The following GOLPH3 variants were observed in gnomAD, a reference collection of about 807,000 sequenced individuals.
GOLPH3 encodes the protein coat protein GPP34.
GOLPH3 carries 14 observed loss-of-function variants against 28.5 expected under a neutral mutation model. The ratio of observed to expected loss-of-function variants is 0.49; its 90% CI spans 0.32 to 0.77. The LOEUF is 0.77. Ranked by LOEUF, GOLPH3 falls within the 30% of genes least tolerant of loss-of-function variation. The pLI, the probability that GOLPH3 is intolerant of heterozygous loss-of-function variation, is 0.03. For synonymous variants in GOLPH3, 158 were observed against 159.2 expected (o/e 0.99, Z 0.06); for missense variants, 350 against 393.7 (o/e 0.89, Z 0.94).
chr5:32,152,183 G>A (rs1214641703), intron 1 of GOLPH3, among the ~76,000 whole-genome samples: 1 of 151,408 alleles, frequency 6.6e-6, no homozygotes, highest in Non-Finnish European at 1.5e-5. Context: ...CTGGAGTGCA[G>A]TGGCACAATC....
Position 32,173,960 on chromosome 5 carries a change from C to T in GOLPH3, c.75G>A (p.Lys25=), listed in dbSNP as rs1446681545. 7.0e-7 allele frequency: 1 copy of T among 1,432,972 alleles called. No homozygotes were observed. The highest frequency in any genetic ancestry group is 1.5e-5 in the African/African-American group (1 of 67,474). The allele number at this position is 1,432,972 out of a possible 1,614,324, so 88.8% of individuals were successfully genotyped here. The change falls in exon 1 of 4, where the codon AAG becomes AAA. Residue 25 remains lysine, a synonymous_variant. Transcript: ENST00000265070. ...RTEASRNAAD[K]ERAAGGGAGS... ...CGGCGCCGCCGCCCGCCGCCCGCTC[C>T]TTGTCGGCGGCGTTGCGGGAGGCCT...
chr5:32,163,067 G>A (rs186700194), intron 1 of GOLPH3, among the ~76,000 whole-genome samples: 48 of 152,326 alleles, frequency 3.2e-4, no homozygotes, highest in African/African-American at 1.1e-3. Flanking sequence ...GACAGAGCGA[G>A]ACTCCGTCTC....
chr5:32,161,131 G>C (rs993610772), intron 1 of GOLPH3, among the ~76,000 whole-genome samples: 1 of 149,272 alleles, frequency 6.7e-6, no homozygotes, highest in Admixed American at 6.7e-5. Flanking sequence ...GGCTGGGCCC[G>C]GTGGTTCACA....
intron 2 of GOLPH3, among the ~76,000 whole-genome samples, chr5:32,141,606 G>GTC (rs1746061606): frequency 6.7e-6 from 1 of 150,274 alleles, no homozygotes; most frequent in Non-Finnish European, 1.5e-5. Flanking sequence ...TCTCCCCACG[G>GTC]TCTCCCTCCT....
chr5:32,172,460 G>C (rs1279944253), intron 1 of GOLPH3, among the ~76,000 whole-genome samples: 1 of 151,818 alleles, frequency 6.6e-6, no homozygotes, highest in Non-Finnish European at 1.5e-5. Context: ...ACTTTGGGAG[G>C]CCGAGGCAGG....
intron 1 of GOLPH3, among the ~76,000 whole-genome samples, chr5:32,163,021 T>C (rs1182222752): frequency 1.3e-5 from 2 of 152,138 alleles, no homozygotes; most frequent in African/African-American, 2.4e-5. Flanking sequence ...GAGCTTGCAG[T>C]GAGCCAAGAT....
At chr5:32,140,799 C>T (rs1372826009) in intron 2 of GOLPH3, among the ~76,000 whole-genome samples, 2 of 144,106 alleles carry the variant, frequency 1.4e-5, no homozygotes, top group African/African-American at 5.2e-5. Flanking sequence ...GAGACTCTGT[C>T]TCCAAAAAAA....
At position 32,171,933 on chromosome 5, in the gene GOLPH3, A is replaced by T. The variant is rs529179038; in HGVS notation, c.225+1877T>A. On this transcript the variant is annotated intron_variant, in intron 1 of 3. Coordinates refer to ENST00000265070, the MANE Select transcript of GOLPH3 (RefSeq NM_022130.4). ...ACTGCACTCCAGGCCTGGGCGACAG[A>T]GCGAGATTCCGTCTAAAAAAAGAAA... Among the ~76,000 whole-genome samples, 4 of 151,960 alleles carry T rather than the reference A, an allele frequency of 2.6e-5. No homozygotes were observed. The East Asian group carries it at 7.8e-4, about 29-fold the overall frequency.
chr5:32,130,387 GATTA>G (rs983035531), intron 3 of GOLPH3, among the ~76,000 whole-genome samples: 26 of 152,102 alleles, frequency 1.7e-4, no homozygotes, highest in African/African-American at 1.9e-4. Flanking sequence ...TCAATCCTAA[GATTA>G]ATTAATTATG....
chr5:32,148,573 A>G (rs997333948), intron 1 of GOLPH3, among the ~76,000 whole-genome samples: 6 of 152,296 alleles, frequency 3.9e-5, no homozygotes, highest in Admixed American at 6.5e-5. Flanking sequence ...CAAGGTGGGC[A>G]GATCACGATG....
chr5:32,130,274 T>C (rs921766666), intron 3 of GOLPH3, among the ~76,000 whole-genome samples: 3 of 152,232 alleles, frequency 2.0e-5, no homozygotes, highest in South Asian at 2.1e-4. Flanking sequence ...TAGGCTGGAA[T>C]TGGGTAACTA....
At chr5:32,169,369 G>C (rs1581560048) in intron 1 of GOLPH3, among the ~76,000 whole-genome samples, 2 of 152,228 alleles carry the variant, frequency 1.3e-5, no homozygotes, top group South Asian at 4.1e-4. Flanking sequence ...ATCCACAGCA[G>C]TACAATCAGA....
At chr5:32,153,526 ATTC>A (rs1399656290) in intron 1 of GOLPH3, among the ~76,000 whole-genome samples, 1 of 152,164 alleles carries the variant, frequency 6.6e-6, no homozygotes, top group African/African-American at 2.4e-5. Context: ...TTGACTGCAC[ATTC>A]TTAATAAAAA....
chr5:32,163,425 C>T (rs1746637485), intron 1 of GOLPH3, among the ~76,000 whole-genome samples: 2 of 152,160 alleles, frequency 1.3e-5, no homozygotes. Context: ...CATCTGTGAT[C>T]CCAGCACTTT....
At chr5:32,169,609 G>A (rs1376857085) in intron 1 of GOLPH3, among the ~76,000 whole-genome samples, 3 of 152,116 alleles carry the variant, frequency 2.0e-5, no homozygotes, top group Non-Finnish European at 4.4e-5. Flanking sequence ...AAACATATAT[G>A]ACACCAGTTA....
At chr5:32,130,769 G>A (rs6898758) in intron 3 of GOLPH3, among the ~76,000 whole-genome samples, 5,900 of 152,028 alleles carry the variant, frequency 0.039, 371 homozygotes, top group African/African-American at 0.13. Context: ...TTTTCTCATG[G>A]GAATTAAGTG....
chr5:32,135,487 T>C, intron 3 of GOLPH3, 85 bp downstream of exon 3: 2 of 804,990 alleles, frequency 2.5e-6, no homozygotes. Context: ...CTTCTGGCTA[T>C]TTTGTGTAGG....
intron 2 of GOLPH3, among the ~76,000 whole-genome samples, chr5:32,142,908 T>A (rs1341545612): frequency 6.7e-6 from 1 of 150,194 alleles, no homozygotes; most frequent in Non-Finnish European, 1.5e-5. Flanking sequence ...TACTGGGAAG[T>A]GAGGAGCCCC....
At chr5:32,158,245 C>T (rs1746500034) in intron 1 of GOLPH3, among the ~76,000 whole-genome samples, 1 of 151,762 alleles carries the variant, frequency 6.6e-6, no homozygotes. Flanking sequence ...CCCATTCTCC[C>T]CAAACCTCTA....
Sources: gnomAD v4.1 joint callset for allele counts (sites outside exome capture counted in the v4.1 genomes callset) on GRCh38, gnomAD v4.1.1 for gene constraint, MANE v1.5 for transcripts, NCBI Gene and HGNC (gene_info 2026-07-23, HGNC 2026-07-21) for gene names.